Variants in SHMT1 observed in about 807,000 individuals in gnomAD.
SHMT1 encodes serine hydroxymethyltransferase 1.
A neutral mutation model predicts 49.0 loss-of-function variants in SHMT1; 45 were observed. That is an observed-to-expected ratio of 0.92 (90% CI 0.72 to 1.18). The LOEUF (loss-of-function observed/expected upper bound fraction) is 1.18. Ranked by LOEUF, SHMT1 falls within the 50% of genes most tolerant of loss-of-function variation. The pLI is 0.00. For synonymous variants in SHMT1, 232 were observed against 246.6 expected, an observed-to-expected ratio of 0.94 and a Z score of 0.55; for missense variants, 541 against 612.4, an observed-to-expected ratio of 0.88 and a Z score of 1.23.
rs1982755465 is a variant in SHMT1 at position 18,328,047 on chromosome 17, G to C, written c.*703C>G. 1 of 152,448 alleles carries C rather than the reference G, an allele frequency of 6.6e-6. No individual in the cohort carries two copies. Among genetic ancestry groups the C allele is most frequent in the South Asian group, 2.1e-4 (1 of 4,830 alleles). The allele number at this position is 152,448 out of a possible 1,614,324, so 9.4% of individuals were successfully genotyped here. ...AGCTACGTGAAAATAAAATTTCTTTGGGAAGGTGACATTTGGCTTCCTGAT... is the reference window on the plus strand; with the variant it reads ...AGCTACGTGAAAATAAAATTTCTTTCGGAAGGTGACATTTGGCTTCCTGAT... On this transcript the variant is annotated 3_prime_UTR_variant, in exon 12 of 12. Coordinates refer to ENST00000316694, the MANE Select transcript of SHMT1 (RefSeq NM_004169.5).
At chr17:18,341,238 A>C (rs1386796064) in intron 5 of SHMT1, 2 of 240,924 alleles carry the variant, frequency 8.3e-6, no homozygotes, top group Non-Finnish European at 1.7e-5. Context: ...AGAAATTTAA[A>C]AACTGACATT....
intron 5 of SHMT1, chr17:18,341,643 A>C (rs1394755436): frequency 5.6e-5 from 6 of 106,544 alleles, no homozygotes; most frequent in African/African-American, 2.8e-4. Context: ...GCGAGACTCC[A>C]TCTGAAAAAA....
intron 10 of SHMT1, among the ~76,000 whole-genome samples, chr17:18,329,856 T>TTTTTTG (rs536114319): frequency 6.6e-6 from 1 of 152,004 alleles, no homozygotes; most frequent in Non-Finnish European, 1.5e-5. Flanking sequence ...CCCCGCTCCA[T>TTTTTTG]TTTTTGTTTT....
chr17:18,329,516 C>A, intron 10 of SHMT1, 128 bp from the exon 11 acceptor site: 1 of 747,986 alleles, frequency 1.3e-6, no homozygotes, highest in South Asian at 1.6e-5. Flanking sequence ...GCAAGGAGTA[C>A]AACTGATTCA....
At chr17:18,337,593 CCCTTTCCA>C (rs1262267727) in intron 7 of SHMT1, among the ~76,000 whole-genome samples, 3 of 142,204 alleles carry the variant, frequency 2.1e-5, no homozygotes, top group East Asian at 7.9e-4. Flanking sequence ...GTCTCCCTCT[CCCTTTCCA>C]CGGTCTCCCT....
chr17:18,348,967 A>G (rs1312664758), intron 3 of SHMT1, among the ~76,000 whole-genome samples: 3 of 148,112 alleles, frequency 2.0e-5, no homozygotes, highest in African/African-American at 7.4e-5. Flanking sequence ...CCCTGTCTCA[A>G]AAAAAAAAAA....
At chr17:18,329,903 C>T (rs1209609812) in intron 10 of SHMT1, among the ~76,000 whole-genome samples, 1 of 152,186 alleles carries the variant, frequency 6.6e-6, no homozygotes, top group Non-Finnish European at 1.5e-5. Context: ...TCACTGTCGC[C>T]TAAGCTGGAG....
chr17:18,341,644 T>A (rs1984526662), intron 5 of SHMT1: 1 of 82,252 alleles, frequency 1.2e-5, no homozygotes. Context: ...CGAGACTCCA[T>A]CTGAAAAAAA....
intron 9 of SHMT1, 158 bp from the exon 10 acceptor site, chr17:18,330,829 T>G: frequency 1.5e-6 from 1 of 683,058 alleles, no homozygotes; most frequent in East Asian, 2.8e-5. Flanking sequence ...CCACGAGAGA[T>G]GCCCGTGCCT....
intron 1 of SHMT1, among the ~76,000 whole-genome samples, chr17:18,356,833 C>T (rs1455409130): frequency 1.3e-5 from 2 of 152,072 alleles, no homozygotes; most frequent in African/African-American, 4.8e-5. Context: ...ACTGACCCTC[C>T]TCCCCACCTG....
chr17:18,354,926 C>T (rs1218227638), intron 2 of SHMT1, among the ~76,000 whole-genome samples: 5 of 149,854 alleles, frequency 3.3e-5, no homozygotes, highest in Admixed American at 1.3e-4. Context: ...TGGCTGGCAC[C>T]TGTAGTCCCA....
At position 18,338,388 on chromosome 17, in the gene SHMT1, G is replaced by A. The variant is rs1017189062; in HGVS notation, c.814+1655C>T. 5.3e-5 allele frequency among the ~76,000 whole-genome samples: 8 copies of A among 150,732 alleles called. No individual in the cohort carries two copies. The South Asian group carries it at 6.3e-4, about 12-fold the overall frequency. ...CAGCCCCCGCCCAGCCAGCCGCCCC[G>A]TCCGGGAGGGAGGTGGGGGGCAGCC... is the stretch of plus-strand genomic sequence containing the variant. On this transcript the variant is annotated intron_variant, in intron 7 of 11. Coordinates refer to ENST00000316694, the MANE Select transcript of SHMT1 (RefSeq NM_004169.5).
chr17:18,353,381 A>G, intron 3 of SHMT1: 1 of 432,552 alleles, frequency 2.3e-6, no homozygotes, highest in South Asian at 2.2e-5. Context: ...CCTTTTCTAG[A>G]CAGAGGCCAC....
At chr17:18,349,024 T>G (rs1196331687) in intron 3 of SHMT1, among the ~76,000 whole-genome samples, 1 of 150,790 alleles carries the variant, frequency 6.6e-6, no homozygotes, top group Non-Finnish European at 1.5e-5. Flanking sequence ...TCACATGCTA[T>G]TAATACAACA....
intron 3 of SHMT1, among the ~76,000 whole-genome samples, chr17:18,351,998 CCAT>C (rs1985759871): frequency 6.6e-6 from 1 of 152,000 alleles, no homozygotes; most frequent in Non-Finnish European, 1.5e-5. Flanking sequence ...GCGCATGCCA[CCAT>C]GTCCGGCTAA....
chr17:18,339,779 C>A (rs1225072530), intron 7 of SHMT1, among the ~76,000 whole-genome samples: 4 of 152,168 alleles, frequency 2.6e-5, no homozygotes, highest in Middle Eastern at 3.2e-3. Flanking sequence ...CCAGGATGGT[C>A]TTGATCTCCT....
chr17:18,340,645 A>C lies in SHMT1; in HGVS notation c.601+87T>G, dbSNP rs971544649. 5 of 1,192,568 alleles carry C rather than the reference A, an allele frequency of 4.2e-6. No individual in the cohort carries two copies. Among genetic ancestry groups the C allele is most frequent in the African/African-American group, 1.5e-5 (1 of 66,220 alleles). The allele number at this position is 1,192,568 out of a possible 1,614,324, so 73.9% of individuals were successfully genotyped here. On this transcript the variant is annotated intron_variant, in intron 6 of 11. Transcript: ENST00000316694. This position sits in a 1 kb window ranked among gnomAD's most constrained non-coding sequence, Gnocchi z 4.5. ...CAGGGCAGAAACTAGCAGTGGGCTC[A>C]ACAGGGTGCGAACATCTTTCCATCC... is the stretch of plus-strand genomic sequence containing the variant.
chr17:18,349,082 C>T (rs933336564), intron 3 of SHMT1, among the ~76,000 whole-genome samples: 1 of 151,860 alleles, frequency 6.6e-6, no homozygotes, highest in Non-Finnish European at 1.5e-5. Flanking sequence ...CCAGTCACCA[C>T]AAGACAAGCA....
At chr17:18,335,734 A>C in intron 7 of SHMT1, 59 bp from the exon 8 acceptor site, 1 of 1,233,798 alleles carries the variant, frequency 8.1e-7, no homozygotes, top group South Asian at 1.2e-5. Context: ...TTTTCTTTTT[A>C]GGCTCAAACC....
Sources: allele counts gnomAD v4.1 joint callset (sites outside exome capture counted in the v4.1 genomes callset), GRCh38; gene constraint gnomAD v4.1.1; non-coding constraint Gnocchi (gnomAD v3.1); transcripts MANE v1.5; gene names NCBI Gene and HGNC (gene_info 2026-07-23, HGNC 2026-07-21).